TMEM38A: variants seen among roughly 807,000 people sequenced by gnomAD.
TMEM38A encodes transmembrane protein 38A, also known as trimeric intracellular cation channel type A.
A neutral mutation model predicts 28.6 loss-of-function variants in TMEM38A; 17 were observed. The ratio of observed to expected loss-of-function variants is 0.60; its 90% CI spans 0.41 to 0.89. TMEM38A has a LOEUF of 0.89. Ranked by LOEUF, TMEM38A falls within the 40% of genes least tolerant of loss-of-function variation. The pLI, the probability that TMEM38A is intolerant of heterozygous loss-of-function variation, is 0.00. For missense variants in TMEM38A, 328 were observed against 393.1 expected (o/e 0.83, Z 1.40); for synonymous variants, 169 against 166.1 (o/e 1.02, Z -0.14).
At chr19:16,676,785 GTCTCGCTGTTGTTGGC>G (rs1303348389) in intron 1 of TMEM38A, among the ~76,000 whole-genome samples, 5 of 125,314 alleles carry the variant, frequency 4.0e-5, no homozygotes, top group African/African-American at 1.6e-4. Flanking sequence ...TTGAGAGGTA[GTCTCGCTGTTGTTGGC>G]CTGGGCTGGA....
intron 1 of TMEM38A, among the ~76,000 whole-genome samples, chr19:16,678,177 T>C (rs2086760803): frequency 6.6e-6 from 1 of 152,148 alleles, no homozygotes; most frequent in Non-Finnish European, 1.5e-5. Context: ...ATGCCTGTAA[T>C]CCCAGCACTT....
Position 16,683,708 on chromosome 19 carries a change from C to T in TMEM38A, c.554+1200C>T, listed in dbSNP as rs188567867. Among the ~76,000 whole-genome samples the T allele has an allele frequency of 3.0e-3, 454 of 151,972 alleles. 4 individuals are homozygous for T. The highest frequency in any genetic ancestry group is 0.01 in the African/African-American group (429 of 41,458). ...TCATTAGGCTGGGCACGGTGGCTCA[C>T]GCCTGTAATCCCAGCACTTTGGGAG... On this transcript the variant is annotated intron_variant, in intron 4 of 5. Transcript: ENST00000187762.
intron 1 of TMEM38A, among the ~76,000 whole-genome samples, chr19:16,664,818 G>A (rs2086696251): frequency 6.6e-6 from 1 of 151,720 alleles, no homozygotes; most frequent in African/African-American, 2.4e-5. Context: ...TCACCCCACC[G>A]CCCTCCAGCC....
At chr19:16,685,621 A>G (rs2086798577) in intron 4 of TMEM38A, among the ~76,000 whole-genome samples, 1 of 152,140 alleles carries the variant, frequency 6.6e-6, no homozygotes, top group African/African-American at 2.4e-5. Context: ...TGTGTGGCTG[A>G]CCTCAGTCTT....
chr19:16,686,478 G>C, intron 5 of TMEM38A, 73 bp downstream of exon 5: 3 of 1,235,800 alleles, frequency 2.4e-6, no homozygotes, highest in Non-Finnish European at 2.4e-6. Flanking sequence ...TGGGAGTGGG[G>C]AAATTGGACA....
At chr19:16,667,846 C>A (rs1252508296) in intron 1 of TMEM38A, among the ~76,000 whole-genome samples, 1 of 145,794 alleles carries the variant, frequency 6.9e-6, no homozygotes, top group Non-Finnish European at 1.5e-5. Flanking sequence ...GGTGACAGAG[C>A]AAGACTCCGT....
chr19:16,670,344 G>T (rs1489327603), intron 1 of TMEM38A, among the ~76,000 whole-genome samples: 1 of 143,286 alleles, frequency 7.0e-6, no homozygotes, highest in Non-Finnish European at 1.5e-5. Context: ...GCATGATCTC[G>T]ACTCACTGCA....
At chr19:16,671,685 C>T (rs1331655929) in intron 1 of TMEM38A, among the ~76,000 whole-genome samples, 2 of 152,176 alleles carry the variant, frequency 1.3e-5, no homozygotes, top group Non-Finnish European at 2.9e-5. Flanking sequence ...CTGCCTTGGC[C>T]TCCGAAAGTG....
intron 3 of TMEM38A, among the ~76,000 whole-genome samples, chr19:16,682,003 C>T (rs763268650): frequency 2.0e-5 from 3 of 152,056 alleles, no homozygotes; most frequent in Non-Finnish European, 4.4e-5. Flanking sequence ...GCAGATTCCC[C>T]AGGGGTATAG....
Position 16,661,627 on chromosome 19 carries a change from G to A in TMEM38A, c.124+286G>A, listed in dbSNP as rs529561076. On this transcript the variant is annotated intron_variant, in intron 1 of 5. Transcript: ENST00000187762. This position sits in a 1 kb window ranked among gnomAD's most constrained non-coding sequence, Gnocchi z 6.5. ...GCTTGGGGTCGGGGCTCCTGGTTGG[G>A]TCAGAGCTGCAGGAACTTGGGCAAG... Among the ~76,000 whole-genome samples, 1 of 152,162 alleles carries A rather than the reference G, an allele frequency of 6.6e-6. No individual in the cohort carries two copies. The highest frequency in any genetic ancestry group is 6.5e-5 in the Admixed American group (1 of 15,274).
intron 1 of TMEM38A, among the ~76,000 whole-genome samples, chr19:16,674,884 C>T (rs1484851656): frequency 6.6e-6 from 1 of 152,080 alleles, no homozygotes; most frequent in African/African-American, 2.4e-5. Flanking sequence ...TTCTTGAACC[C>T]ATACAATGTG....
chr19:16,669,888 T>G (rs2086719052), intron 1 of TMEM38A, among the ~76,000 whole-genome samples: 1 of 152,204 alleles, frequency 6.6e-6, no homozygotes, highest in Non-Finnish European at 1.5e-5. Flanking sequence ...AGACCAGGAC[T>G]TAGGGACCCA....
At chr19:16,684,607 G>A (rs1181497714) in intron 4 of TMEM38A, among the ~76,000 whole-genome samples, 3 of 152,182 alleles carry the variant, frequency 2.0e-5, no homozygotes, top group Non-Finnish European at 4.4e-5. Context: ...AACTCTGCAT[G>A]TTGTAATCAC....
chr19:16,667,627 C>T (rs1020068472), intron 1 of TMEM38A, among the ~76,000 whole-genome samples: 5 of 152,042 alleles, frequency 3.3e-5, no homozygotes, highest in South Asian at 2.1e-4. Flanking sequence ...GAGGCCAAGG[C>T]GGGTGGATCA....
At chr19:16,684,435 A>G (rs950256348) in intron 4 of TMEM38A, among the ~76,000 whole-genome samples, 2 of 152,008 alleles carry the variant, frequency 1.3e-5, no homozygotes, top group Non-Finnish European at 2.9e-5. Context: ...AGCTGTGATC[A>G]CACAAGTGTA....
chr19:16,661,195 CGGCAGGCG>C lies in TMEM38A; in HGVS notation c.-11_-4del. 2 of 1,396,698 alleles carry C rather than the reference CGGCAGGCG, an allele frequency of 1.4e-6. No individual in the cohort carries two copies. The highest frequency in any genetic ancestry group is 2.5e-5 in the Admixed American group (1 of 40,468). The allele number at this position is 1,396,698 out of a possible 1,614,324, so 86.5% of individuals were successfully genotyped here. ...CGAGGCCGGGGCCCCGGGTGGCACC[CGGCAGGCG>C]GGCAGGCGGGCGCCATGGAGCTGCT... On this transcript the variant is annotated 5_prime_UTR_variant, in exon 1 of 6. Coordinates refer to ENST00000187762, the MANE Select transcript of TMEM38A (RefSeq NM_024074.4). This position sits in a 1 kb window ranked among gnomAD's most constrained non-coding sequence, Gnocchi z 6.5.
At chr19:16,669,618 C>T (rs1045881066) in intron 1 of TMEM38A, among the ~76,000 whole-genome samples, 1 of 152,152 alleles carries the variant, frequency 6.6e-6, no homozygotes, top group African/African-American at 2.4e-5. Flanking sequence ...AGGCTGTTGA[C>T]TCCTGCTCCA....
intron 1 of TMEM38A, among the ~76,000 whole-genome samples, chr19:16,674,389 C>CAAA (rs535347473): frequency 1.1e-4 from 10 of 87,194 alleles, no homozygotes; most frequent in African/African-American, 3.3e-4. Context: ...CTCTTGTCTC[C>CAAA]AAAAAAAAAA....
chr19:16,689,281 T>C lies in TMEM38A; in HGVS notation c.*910T>C, dbSNP rs2086815746. The C allele has an allele frequency of 1.3e-5, 2 of 152,234 alleles. No individual in the cohort carries two copies. The highest frequency in any genetic ancestry group is 2.4e-5 in the African/African-American group (1 of 41,460). 9.4% of individuals were successfully genotyped at this position (152,234 alleles called of 1,614,324 possible). A position where few individuals can be genotyped will look rare whatever the true frequency, so the allele number is the denominator to read the frequency against. ...GCCCCCCTCTGTACGGAAGGGCCGATGCGAAGCTGCAGTTAAAAAAGGCTC... is the reference window on the plus strand; with the variant it reads ...GCCCCCCTCTGTACGGAAGGGCCGACGCGAAGCTGCAGTTAAAAAAGGCTC... On this transcript the variant is annotated 3_prime_UTR_variant, in exon 6 of 6. Transcript: ENST00000187762.
Sources: gnomAD v4.1 joint callset for allele counts (sites outside exome capture counted in the v4.1 genomes callset) on GRCh38, gnomAD v4.1.1 for gene constraint, Gnocchi (gnomAD v3.1) non-coding constraint, MANE v1.5 for transcripts, NCBI Gene and HGNC (gene_info 2026-07-23, HGNC 2026-07-21) for gene names.